The following PDE11A variants were observed in gnomAD, a reference collection of about 807,000 sequenced individuals.
PDE11A encodes phosphodiesterase 11A, also known as dual 3',5'-cyclic-AMP and -GMP phosphodiesterase 11A.
PDE11A carries 100 observed loss-of-function variants against 100.5 expected under a neutral mutation model. The ratio of observed to expected loss-of-function variants is 1.00; its 90% CI spans 0.85 to 1.18. The LOEUF is 1.18. Ranked by LOEUF, PDE11A falls within the 50% of genes most tolerant of loss-of-function variation. The probability of loss-of-function intolerance (pLI) is 0.00; values close to 1 mark genes in which losing one functional copy is unlikely to be tolerated. For synonymous variants in PDE11A, 381 were observed against 420.8 expected (o/e 0.91, Z 1.16); for missense variants, 1,141 against 1,152.6 (o/e 0.99, Z 0.15).
intron 19 of PDE11A, among the ~76,000 whole-genome samples, chr2:177,647,627 T>C (rs1997209): frequency 0.82 from 124,835 of 152,132 alleles, 51,346 homozygotes; most frequent in East Asian, 0.9. Flanking sequence ...GCACCAGACA[T>C]GCTTAGTTCT....
chr2:177,996,186 T>TGCCCAC (rs2086071840), intron 2 of PDE11A, among the ~76,000 whole-genome samples: 2 of 151,198 alleles, frequency 1.3e-5, no homozygotes, highest in Non-Finnish European at 2.9e-5. Flanking sequence ...GAGATCTCGC[T>TGCCCAC]ACTGCACTCC....
At chr2:177,718,281 A>T (rs937875848) in intron 12 of PDE11A, among the ~76,000 whole-genome samples, 1 of 152,216 alleles carries the variant, frequency 6.6e-6, no homozygotes, top group African/African-American at 2.4e-5. Context: ...CAAGACTACA[A>T]AGTAAGAGAG....
chr2:178,039,579 C>T (rs1028814301), intron 1 of PDE11A, among the ~76,000 whole-genome samples: 4 of 151,600 alleles, frequency 2.6e-5, no homozygotes, highest in Admixed American at 6.6e-5. Context: ...TAAAAGTCTG[C>T]GGTCATGCAA....
At chr2:177,855,145 AAAG>A (rs1237821025) in intron 5 of PDE11A, among the ~76,000 whole-genome samples, 1 of 152,152 alleles carries the variant, frequency 6.6e-6, no homozygotes, top group African/African-American at 2.4e-5. Context: ...ACAGTAGAAG[AAAG>A]AAGATCCATG....
intron 1 of PDE11A, among the ~76,000 whole-genome samples, chr2:178,057,919 G>A (rs1236621079): frequency 6.6e-6 from 1 of 152,038 alleles, no homozygotes; most frequent in Non-Finnish European, 1.5e-5. Flanking sequence ...GTGCAGAGGC[G>A]TGATCTCGGC....
At chr2:177,926,739 T>C (rs1359039889) in intron 2 of PDE11A, among the ~76,000 whole-genome samples, 11 of 151,736 alleles carry the variant, frequency 7.2e-5, no homozygotes, top group African/African-American at 2.4e-4. Flanking sequence ...TATTATTATC[T>C]ACATTTCCTG....
intron 15 of PDE11A, among the ~76,000 whole-genome samples, chr2:177,696,611 A>G (rs2105531997): frequency 6.6e-6 from 1 of 152,106 alleles, no homozygotes; most frequent in East Asian, 1.9e-4. Flanking sequence ...GTGTTAGGAA[A>G]ATAGAGGTAC....
At chr2:177,725,362 G>C (rs1001445141) in intron 12 of PDE11A, among the ~76,000 whole-genome samples, 2 of 152,110 alleles carry the variant, frequency 1.3e-5, no homozygotes, top group African/African-American at 2.4e-5. Flanking sequence ...CCTTAGTTAA[G>C]TTCAACAAAA....
chr2:177,947,575 C>T (rs1003042272), intron 2 of PDE11A, among the ~76,000 whole-genome samples: 2 of 151,732 alleles, frequency 1.3e-5, no homozygotes, highest in Non-Finnish European at 2.9e-5. Context: ...GCAGCATGCT[C>T]GTTAAGAGTC....
At chr2:177,933,228 A>G (rs2085231108) in intron 2 of PDE11A, among the ~76,000 whole-genome samples, 1 of 152,240 alleles carries the variant, frequency 6.6e-6, no homozygotes, top group African/African-American at 2.4e-5. Flanking sequence ...GGAATAATCA[A>G]TATCATTAAA....
rs1416126886 is a variant in PDE11A, at chr2:177,623,923, T to C, written c.*5484A>G. On this transcript the variant is annotated 3_prime_UTR_variant, in exon 20 of 20. Transcript: ENST00000286063. Reference sequence around the variant, plus strand: ...GAAGACAAGGTCATGACAAACAGTGTCAGCATGACATTGGGCATTGCTAAA... The same window carrying C: ...GAAGACAAGGTCATGACAAACAGTGCCAGCATGACATTGGGCATTGCTAAA... 1 of 152,240 alleles carries C rather than the reference T, an allele frequency of 6.6e-6. No individual in the cohort carries two copies. Among genetic ancestry groups the C allele is most frequent in the African/African-American group, 2.4e-5 (1 of 41,462 alleles). The allele number at this position is 152,240 out of a possible 1,614,324, so 9.4% of individuals were successfully genotyped here. A position where few individuals can be genotyped will look rare whatever the true frequency, so the allele number is the denominator to read the frequency against.
chr2:177,979,431 G>C lies in PDE11A; in HGVS notation c.1071+34871C>G, dbSNP rs562042985. ...TCAAGGTTCAGGATGCATAAATGCT[G>C]TCTTGTGAGTTGCCTAAGGCCTTGG... On this transcript the variant is annotated intron_variant, in intron 2 of 19. Transcript: ENST00000286063. Among the ~76,000 whole-genome samples, 48 of 150,476 alleles carry C rather than the reference G, an allele frequency of 3.2e-4. 4 individuals carry two copies. The South Asian group carries it at 9.6e-3, about 30-fold the overall frequency.
chr2:178,062,232 A>T (rs2086980818), intron 1 of PDE11A, among the ~76,000 whole-genome samples: 1 of 151,950 alleles, frequency 6.6e-6, no homozygotes, highest in African/African-American at 2.4e-5. Context: ...TAGGGTTATG[A>T]TAAAAAGGAG....
rs910381212 is a variant in PDE11A, at chr2:177,623,924, C to T, written c.*5483G>A. Reference sequence around the variant, plus strand: ...AAGACAAGGTCATGACAAACAGTGTCAGCATGACATTGGGCATTGCTAAAT... The same window carrying T: ...AAGACAAGGTCATGACAAACAGTGTTAGCATGACATTGGGCATTGCTAAAT... On this transcript the variant is annotated 3_prime_UTR_variant, in exon 20 of 20. Transcript: ENST00000286063. The T allele has an allele frequency of 6.6e-6, 1 of 152,228 alleles. No individual in the cohort carries two copies. The highest frequency in any genetic ancestry group is 1.5e-5 in the Non-Finnish European group (1 of 68,032). The allele number at this position is 152,228 out of a possible 1,614,324, so 9.4% of individuals were successfully genotyped here.
intron 1 of PDE11A, among the ~76,000 whole-genome samples, chr2:178,019,003 T>G (rs1185720422): frequency 6.6e-6 from 1 of 152,242 alleles, no homozygotes; most frequent in Non-Finnish European, 1.5e-5. Context: ...TTTACCAATC[T>G]CTTAAACAGA....
At chr2:178,083,567 CAT>C (rs1340467699) in intron 2 of PDE11A, among the ~76,000 whole-genome samples, 1 of 152,176 alleles carries the variant, frequency 6.6e-6, no homozygotes. Context: ...CAAGAAAGCA[CAT>C]GTCGAGGGCA....
At chr2:177,759,997 A>G (rs1489198797) in intron 10 of PDE11A, among the ~76,000 whole-genome samples, 6 of 152,192 alleles carry the variant, frequency 3.9e-5, no homozygotes, top group Admixed American at 3.9e-4. Flanking sequence ...AATCAAAAGA[A>G]ATGACTTAAA....
intron 2 of PDE11A, among the ~76,000 whole-genome samples, chr2:177,964,513 T>G (rs1377307679): frequency 6.6e-6 from 1 of 152,082 alleles, no homozygotes; most frequent in Non-Finnish European, 1.5e-5. Flanking sequence ...GCCTGATAGG[T>G]AGTTTTTTGA....
Position 177,707,236 on chromosome 2 carries a change from A to G in PDE11A, c.2153+4533T>C, listed in dbSNP as rs549821569. Among the ~76,000 whole-genome samples, 9 of 152,286 alleles carry G rather than the reference A, an allele frequency of 5.9e-5. No homozygotes were observed. The South Asian group carries it at 1.2e-3, about 21-fold the overall frequency. Reference sequence around the variant, plus strand: ...CTGTAAAATGGAGACAAGAATATCAACTCTAAAGAGTTGATGTTGGTAAGG... The same window carrying G: ...CTGTAAAATGGAGACAAGAATATCAGCTCTAAAGAGTTGATGTTGGTAAGG... On this transcript the variant is annotated intron_variant, in intron 13 of 19. Transcript: ENST00000286063.
Sources: gnomAD v4.1 joint callset for allele counts (sites outside exome capture counted in the v4.1 genomes callset) on GRCh38, gnomAD v4.1.1 for gene constraint, MANE v1.5 for transcripts, NCBI Gene and HGNC (gene_info 2026-07-23, HGNC 2026-07-21) for gene names.